Variants in AGAP1 observed in about 807,000 individuals in gnomAD.
AGAP1 encodes the protein arf-GAP with GTPase, ANK repeat and PH domain-containing protein 1.
AGAP1 carries 29 observed loss-of-function variants against 105.3 expected under a neutral mutation model. The ratio of observed to expected loss-of-function variants is 0.28; its 90% CI spans 0.21 to 0.38. The LOEUF (loss-of-function observed/expected upper bound fraction) is 0.38. AGAP1 is among the 10% of genes least tolerant of loss of function. The probability of loss-of-function intolerance (pLI) is 1.00; values close to 1 mark genes in which losing one functional copy is unlikely to be tolerated. For synonymous variants in AGAP1, 509 were observed against 485.9 expected (o/e 1.05, Z -0.63); for missense variants, 998 against 1,165.1 (o/e 0.86, Z 2.09).
chr2:235,811,851 C>T (rs1178763947), intron 9 of AGAP1, among the ~76,000 whole-genome samples: 4 of 152,354 alleles, frequency 2.6e-5, no homozygotes, highest in Admixed American at 6.5e-5. Context: ...ACATTGCCTA[C>T]GACTTTCAGA....
At chr2:235,831,098 G>C (rs963844052) in intron 9 of AGAP1, among the ~76,000 whole-genome samples, 1 of 151,826 alleles carries the variant, frequency 6.6e-6, no homozygotes, top group Non-Finnish European at 1.5e-5. Flanking sequence ...GCACCTGCTG[G>C]CTGCTCTCTG....
intron 13 of AGAP1, among the ~76,000 whole-genome samples, chr2:236,010,924 G>A (rs1377862778): frequency 5.3e-5 from 8 of 152,116 alleles, no homozygotes; most frequent in African/African-American, 1.2e-4. Flanking sequence ...GCGGGCACTC[G>A]TGGTCCCAGC....
chr2:235,955,407 C>T (rs1037035195), intron 12 of AGAP1, among the ~76,000 whole-genome samples: 1 of 152,124 alleles, frequency 6.6e-6, no homozygotes, highest in Non-Finnish European at 1.5e-5. Flanking sequence ...CACAGAACTT[C>T]GGCTCAGCAG....
rs543380818 is a variant in AGAP1 at position 235,705,065 on chromosome 2, A to G, written c.164-4114A>G. 1.6e-4 allele frequency among the ~76,000 whole-genome samples: 20 copies of G among 123,136 alleles called. No individual in the cohort carries two copies. The highest frequency in any genetic ancestry group is 5.7e-4 in the African/African-American group (18 of 31,678). The allele number at this position is 123,136 out of a possible 152,430, so 80.8% of individuals were successfully genotyped here. A position where few individuals can be genotyped will look rare whatever the true frequency, so the allele number is the denominator to read the frequency against. The stretch of plus-strand genomic sequence containing the variant: ...GGGATCTCGGCTCGCTGCAACCTCT[A>G]CCTCCCGGGTTCAAGCACTTCTCCT... On this transcript the variant is annotated intron_variant, in intron 1 of 17. Transcript: ENST00000304032. The surrounding 1 kb of genome is among the most constrained non-coding windows in gnomAD (Gnocchi z 4.9).
At chr2:235,841,176 T>G (rs1960785006) in intron 9 of AGAP1, among the ~76,000 whole-genome samples, 1 of 152,040 alleles carries the variant, frequency 6.6e-6, no homozygotes. Flanking sequence ...AGACACCGCC[T>G]AGGAGAGGCC....
chr2:235,642,936 T>C lies in AGAP1; in HGVS notation c.164-66243T>C, dbSNP rs1947246806. ...AATGTGCTGCCATGACAAGGCACGG[T>C]GGTGGTGGGGACCTGGCAAGGTACC... is the stretch of plus-strand genomic sequence containing the variant. On this transcript the variant is annotated intron_variant, in intron 1 of 17. Transcript: ENST00000304032. The surrounding 1 kb of genome is among the most constrained non-coding windows in gnomAD (Gnocchi z 4.1). 6.6e-6 allele frequency among the ~76,000 whole-genome samples: 1 copy of C among 152,184 alleles called. No individual in the cohort carries two copies. Among genetic ancestry groups the C allele is most frequent in the Non-Finnish European group, 1.5e-5 (1 of 68,044 alleles).
At chr2:236,108,891 A>AGTGCT (rs1336967773) in intron 16 of AGAP1, among the ~76,000 whole-genome samples, 1 of 152,170 alleles carries the variant, frequency 6.6e-6, no homozygotes, top group Non-Finnish European at 1.5e-5. Context: ...GCCACAAGAC[A>AGTGCT]GTGCTGAAAG....
intron 1 of AGAP1, among the ~76,000 whole-genome samples, chr2:235,669,354 CAT>C (rs1948239363): frequency 6.6e-6 from 1 of 152,196 alleles, no homozygotes; most frequent in Non-Finnish European, 1.5e-5. Context: ...GCAGGTGAGA[CAT>C]GCCCCTCGTT....
chr2:235,888,052 C>T lies in AGAP1; in HGVS notation c.1155+4603C>T, dbSNP rs1409030184. Among the ~76,000 whole-genome samples, 1 of 152,170 alleles carries T rather than the reference C, an allele frequency of 6.6e-6. No homozygotes were observed. The highest frequency in any genetic ancestry group is 1.5e-5 in the Non-Finnish European group (1 of 68,032). The stretch of plus-strand genomic sequence containing the variant: ...CGCTCACAGTCCACGTAAGGCTGCG[C>T]CCTGGTGCCACCACCAGCCTCCTTC... On this transcript the variant is annotated intron_variant, in intron 10 of 17. Transcript: ENST00000304032. This position sits in a 1 kb window ranked among gnomAD's most constrained non-coding sequence, Gnocchi z 4.8.
At position 235,610,541 on chromosome 2, in the gene AGAP1, C is replaced by T. The variant is rs1005991018; in HGVS notation, c.164-98638C>T. 1.3e-5 allele frequency among the ~76,000 whole-genome samples: 2 copies of T among 152,116 alleles called. No individual in the cohort carries two copies. Among genetic ancestry groups the T allele is most frequent in the Non-Finnish European group, 2.9e-5 (2 of 68,022 alleles). On this transcript the variant is annotated intron_variant, in intron 1 of 17. Coordinates refer to ENST00000304032, the MANE Select transcript of AGAP1 (RefSeq NM_001037131.3). This position sits in a 1 kb window ranked among gnomAD's most constrained non-coding sequence, Gnocchi z 4.9. ...CTTTTTCTAAGGGTGCTAATTCCAT[C>T]ATGAGGGCCCCATCCTTATGACCTT...
rs958133907 is a variant in AGAP1 at position 235,555,604 on chromosome 2, A to G, written c.163+60755A>G. ...GTCATGTTTGGAGGCCGGGCTGTGC[A>G]TGAGCTATGCAGGCCTTGGGGTCTT... On this transcript the variant is annotated intron_variant, in intron 1 of 17. Transcript: ENST00000304032. This position sits in a 1 kb window ranked among gnomAD's most constrained non-coding sequence, Gnocchi z 5.1. 2.6e-5 allele frequency among the ~76,000 whole-genome samples: 4 copies of G among 152,228 alleles called. No homozygotes were observed. Among genetic ancestry groups the G allele is most frequent in the East Asian group, 1.9e-4 (1 of 5,194 alleles).
In AGAP1 at chr2:235,631,179, A is replaced by G. The variant is rs1037392351; in HGVS notation, c.164-78000A>G. ...GTTAGCAGGGTTCATTACTTCTGCA[A>G]ATAAACACGTTGAAGAGCCTCCTTC... is the stretch of plus-strand genomic sequence containing the variant. On this transcript the variant is annotated intron_variant, in intron 1 of 17. Transcript: ENST00000304032. This position sits in a 1 kb window ranked among gnomAD's most constrained non-coding sequence, Gnocchi z 5.4. 1.3e-5 allele frequency among the ~76,000 whole-genome samples: 2 copies of G among 152,212 alleles called. No individual in the cohort carries two copies. Among genetic ancestry groups the G allele is most frequent in the African/African-American group, 4.8e-5 (2 of 41,448 alleles).
rs1359359419 is a variant in AGAP1, at chr2:235,609,587, G to C, written c.164-99592G>C. 6.6e-6 allele frequency among the ~76,000 whole-genome samples: 1 copy of C among 152,124 alleles called. No homozygotes were observed. Among genetic ancestry groups the C allele is most frequent in the African/African-American group, 2.4e-5 (1 of 41,428 alleles). ...AGGCCTGCTCCTCACTTTGACCCCG[G>C]ACCTGCATGCGCGCTGAGGATGGCA... On this transcript the variant is annotated intron_variant, in intron 1 of 17. Transcript: ENST00000304032. This position sits in a 1 kb window ranked among gnomAD's most constrained non-coding sequence, Gnocchi z 5.1.
chr2:235,993,480 C>T lies in AGAP1; in HGVS notation c.1645+24857C>T, dbSNP rs1317389766. Reference sequence around the variant, plus strand: ...TTCTCAAAGTGGAAGACAGGGAGCACCTCTGCAGGCCTATAGGGAGGTAGT... The same window carrying T: ...TTCTCAAAGTGGAAGACAGGGAGCATCTCTGCAGGCCTATAGGGAGGTAGT... On this transcript the variant is annotated intron_variant, in intron 13 of 17. Transcript: ENST00000304032. This position sits in a 1 kb window ranked among gnomAD's most constrained non-coding sequence, Gnocchi z 5.0. Among the ~76,000 whole-genome samples, 1 of 152,186 alleles carries T rather than the reference C, an allele frequency of 6.6e-6. No homozygotes were observed. The highest frequency in any genetic ancestry group is 1.9e-4 in the East Asian group (1 of 5,196).
rs1394094093 is a variant in AGAP1, at chr2:235,893,160, A to T, written c.1155+9711A>T. Among the ~76,000 whole-genome samples, 1 of 149,248 alleles carries T rather than the reference A, an allele frequency of 6.7e-6. No homozygotes were observed. The highest frequency in any genetic ancestry group is 1.5e-5 in the Non-Finnish European group (1 of 67,354). On this transcript the variant is annotated intron_variant, in intron 10 of 17. Coordinates refer to ENST00000304032, the MANE Select transcript of AGAP1 (RefSeq NM_001037131.3). This position sits in a 1 kb window ranked among gnomAD's most constrained non-coding sequence, Gnocchi z 4.7. ...TGGCGTAGTGTGCACCGTGTCCATC[A>T]TAAGGGAGCGCTGTGTCTTTGGCGC...
At chr2:235,507,827 T>C (rs1382176183) in intron 1 of AGAP1, among the ~76,000 whole-genome samples, 1 of 152,072 alleles carries the variant, frequency 6.6e-6, no homozygotes, top group Admixed American at 6.5e-5. Flanking sequence ...AACTTTTAGT[T>C]TCAGGGGTAC....
chr2:235,571,572 A>C (rs772686616), intron 1 of AGAP1, among the ~76,000 whole-genome samples: 2 of 152,162 alleles, frequency 1.3e-5, no homozygotes, highest in Middle Eastern at 6.8e-3. Context: ...AACCACCTAC[A>C]CTTCCTTTGT....
At chr2:235,851,721 G>A (rs1163447710) in intron 9 of AGAP1, among the ~76,000 whole-genome samples, 1 of 152,154 alleles carries the variant, frequency 6.6e-6, no homozygotes. Context: ...GAAGGGGACG[G>A]GGAAGCGCCT....
In AGAP1 at chr2:235,746,377, C is replaced by CTTTTTTTTTTTTTTTTTTT. The variant is rs1172393048; in HGVS notation, c.538+1554_538+1572dup. Among the ~76,000 whole-genome samples the CTTTTTTTTTTTTTTTTTTT allele has an allele frequency of 6.5e-4, 36 of 55,558 alleles. 6 individuals carry two copies. The highest frequency in any genetic ancestry group is 2.3e-3 in the South Asian group (2 of 886). 36.4% of individuals were successfully genotyped at this position (55,558 alleles called of 152,430 possible). A position where few individuals can be genotyped will look rare whatever the true frequency, so the allele number is the denominator to read the frequency against. On this transcript the variant is annotated intron_variant, in intron 5 of 17. Coordinates refer to ENST00000304032, the MANE Select transcript of AGAP1 (RefSeq NM_001037131.3). ...GCTTCCTGGAGAGCACCTCCCCCAACTTTTTTTTTTTTTTTTTTTTTTTTT... is the reference window on the plus strand; with the variant it reads ...GCTTCCTGGAGAGCACCTCCCCCAACTTTTTTTTTTTTTTTTTTTTTTTTTTTTTTTTTTTTTTTTTTTT...
Sources: gnomAD v4.1 joint callset for allele counts (sites outside exome capture counted in the v4.1 genomes callset) on GRCh38, gnomAD v4.1.1 for gene constraint, Gnocchi (gnomAD v3.1) non-coding constraint, MANE v1.5 for transcripts, NCBI Gene and HGNC (gene_info 2026-07-23, HGNC 2026-07-21) for gene names.